Variants in NGF observed in about 807,000 individuals in gnomAD.
The protein encoded by NGF is beta-nerve growth factor.
A neutral mutation model predicts 12.8 loss-of-function variants in NGF; 4 were observed. The observed-to-expected ratio is 0.31, with a 90% confidence interval of 0.15 to 0.72. NGF has a LOEUF of 0.72. Among genes scored for constraint, NGF ranks in the 30% least tolerant of loss-of-function variants. The pLI is 0.69. For synonymous variants in NGF, 140 were observed against 130.0 expected, an observed-to-expected ratio of 1.08 and a Z score of -0.52; for missense variants, 283 against 330.8, an observed-to-expected ratio of 0.86 and a Z score of 1.12.
chr1:115,291,381 T>A (rs1653691649), intron 2 of NGF, among the ~76,000 whole-genome samples: 1 of 152,208 alleles, frequency 6.6e-6, no homozygotes. Context: ...ATTTATTTAT[T>A]TTTTAAAAAC....
At chr1:115,291,930 T>C (rs2101024617) in intron 2 of NGF, among the ~76,000 whole-genome samples, 1 of 152,256 alleles carries the variant, frequency 6.6e-6, no homozygotes, top group East Asian at 1.9e-4. Context: ...GAGTGATTCT[T>C]GGGCTAGAGA....
intron 1 of NGF, among the ~76,000 whole-genome samples, chr1:115,331,565 GA>G (rs1359840649): frequency 6.6e-6 from 1 of 152,200 alleles, no homozygotes; most frequent in Non-Finnish European, 1.5e-5. Context: ...CCCATGTGTG[GA>G]AAGTGAAGAA....
chr1:115,322,146 A>G (rs768186219), intron 1 of NGF, among the ~76,000 whole-genome samples: 1 of 152,252 alleles, frequency 6.6e-6, no homozygotes, highest in Non-Finnish European at 1.5e-5. Flanking sequence ...GTCCAAGGAC[A>G]CTAGAGAAAC....
At chr1:115,303,596 CCTACCA>C (rs1276930828) in intron 1 of NGF, among the ~76,000 whole-genome samples, 2 of 152,144 alleles carry the variant, frequency 1.3e-5, no homozygotes, top group Non-Finnish European at 2.9e-5. Context: ...CCACCAACAT[CCTACCA>C]CCACCACCAG....
intron 1 of NGF, among the ~76,000 whole-genome samples, chr1:115,299,256 C>T (rs1653962382): frequency 6.6e-6 from 1 of 152,090 alleles, no homozygotes; most frequent in Non-Finnish European, 1.5e-5. Flanking sequence ...AGTGCCCTGG[C>T]AATTTTCTTA....
chr1:115,315,165 C>A (rs1654444245), intron 1 of NGF, among the ~76,000 whole-genome samples: 1 of 152,050 alleles, frequency 6.6e-6, no homozygotes, highest in Admixed American at 6.6e-5. Flanking sequence ...CTTTATGGAC[C>A]CTGGTGAGTT....
At chr1:115,312,371 C>T (rs897053368) in intron 1 of NGF, among the ~76,000 whole-genome samples, 1 of 152,070 alleles carries the variant, frequency 6.6e-6, no homozygotes, top group Non-Finnish European at 1.5e-5. Context: ...TGTCCAATCC[C>T]ATGCTAGGTA....
chr1:115,315,474 G>A lies in NGF; in HGVS notation c.-136-21724C>T, dbSNP rs80107974. ...GCAGGAGTGAGGGAACAGGGGGATC[G>A]AGGATGACGCCAAGCTTTTTGGCAC... On this transcript the variant is annotated intron_variant, in intron 1 of 2. Coordinates refer to ENST00000369512, the MANE Select transcript of NGF (RefSeq NM_002506.3). 8.7e-3 allele frequency among the ~76,000 whole-genome samples: 1,323 copies of A among 152,244 alleles called. 8 individuals are homozygous for A. Among genetic ancestry groups the A allele is most frequent in the Non-Finnish European group, 0.015 (999 of 68,028 alleles).
At chr1:115,307,594 T>C (rs1245861956) in intron 1 of NGF, among the ~76,000 whole-genome samples, 1 of 152,238 alleles carries the variant, frequency 6.6e-6, no homozygotes, top group Admixed American at 6.5e-5. Context: ...TAGGTAATCA[T>C]AGCCATTTTA....
intron 1 of NGF, among the ~76,000 whole-genome samples, chr1:115,316,656 T>A (rs968478433): frequency 6.6e-6 from 1 of 152,218 alleles, no homozygotes; most frequent in African/African-American, 2.4e-5. Context: ...AAACTTACTC[T>A]AACTTAATGT....
At chr1:115,333,827 T>TTC (rs749315925) in intron 1 of NGF, among the ~76,000 whole-genome samples, 33 of 151,304 alleles carry the variant, frequency 2.2e-4, no homozygotes, top group Admixed American at 4.6e-4. Context: ...TCTTTCTCTC[T>TTC]TCTCTCTCTC....
At chr1:115,320,324 G>GT (rs1267871565) in intron 1 of NGF, among the ~76,000 whole-genome samples, 19 of 152,156 alleles carry the variant, frequency 1.2e-4, no homozygotes, top group Admixed American at 1.2e-3. Context: ...ATTAGGCACA[G>GT]TAAGAGATAA....
chr1:115,325,393 T>C (rs967544750), intron 1 of NGF, among the ~76,000 whole-genome samples: 3 of 151,882 alleles, frequency 2.0e-5, no homozygotes, highest in Non-Finnish European at 2.9e-5. Flanking sequence ...CCTGTGCATG[T>C]TGTTTTGCTG....
At chr1:115,305,627 C>T (rs1415348030) in intron 1 of NGF, among the ~76,000 whole-genome samples, 1 of 152,198 alleles carries the variant, frequency 6.6e-6, no homozygotes, top group Non-Finnish European at 1.5e-5. Flanking sequence ...TCTGTCATGA[C>T]ATTCTCTTTG....
chr1:115,323,716 A>T (rs568070350), intron 1 of NGF, among the ~76,000 whole-genome samples: 3 of 152,368 alleles, frequency 2.0e-5, no homozygotes, highest in Non-Finnish European at 4.4e-5. Flanking sequence ...AGCTGCCTGC[A>T]TCTTAGGTGT....
At chr1:115,326,300 C>A (rs1245705062) in intron 1 of NGF, among the ~76,000 whole-genome samples, 1 of 152,144 alleles carries the variant, frequency 6.6e-6, no homozygotes, top group Non-Finnish European at 1.5e-5. Context: ...AGTTGGGGAG[C>A]TCCTCAGGCA....
At chr1:115,311,444 T>G (rs1654333188) in intron 1 of NGF, among the ~76,000 whole-genome samples, 1 of 152,098 alleles carries the variant, frequency 6.6e-6, no homozygotes, top group Admixed American at 6.5e-5. Context: ...CCACAGAAAT[T>G]TAATTTCTGC....
At chr1:115,290,181 A>T (rs1278072480) in intron 2 of NGF, among the ~76,000 whole-genome samples, 1 of 151,470 alleles carries the variant, frequency 6.6e-6, no homozygotes, top group Non-Finnish European at 1.5e-5. Flanking sequence ...AGTGCACAAA[A>T]CTCCTGGGGG....
intron 1 of NGF, among the ~76,000 whole-genome samples, chr1:115,331,075 T>C (rs1370389009): frequency 6.6e-6 from 1 of 151,904 alleles, no homozygotes; most frequent in Non-Finnish European, 1.5e-5. Context: ...GAAAAGCAAT[T>C]GTCTGCAATG....
Sources: gnomAD v4.1 joint callset for allele counts (sites outside exome capture counted in the v4.1 genomes callset) on GRCh38, gnomAD v4.1.1 for gene constraint, MANE v1.5 for transcripts, NCBI Gene and HGNC (gene_info 2026-07-23, HGNC 2026-07-21) for gene names.